Variants in PDE4D observed in about 807,000 individuals in gnomAD.
PDE4D encodes 3',5'-cyclic-AMP phosphodiesterase 4D.
Under a neutral mutation model 87.4 loss-of-function variants are expected in PDE4D, and 24 were observed. The observed-to-expected ratio is 0.27, with a 90% CI of 0.20 to 0.39. PDE4D has a LOEUF of 0.39. Among genes scored for constraint, PDE4D ranks in the 10% least tolerant of loss-of-function variants. The probability of loss-of-function intolerance (pLI) is 1.00; values close to 1 mark genes in which losing one functional copy is unlikely to be tolerated. For missense variants in PDE4D, 714 were observed against 1,041.0 expected (o/e 0.69, Z 4.32); for synonymous variants, 384 against 383.2 (o/e 1.00, Z -0.02).
intron 1 of PDE4D, among the ~76,000 whole-genome samples, chr5:60,457,298 T>C (rs1746549391): frequency 6.6e-6 from 1 of 152,204 alleles, no homozygotes; most frequent in Non-Finnish European, 1.5e-5. Context: ...TGTTTTCTAA[T>C]GTACTCCCAA....
At chr5:60,071,649 CT>C (rs1772731967) in intron 2 of PDE4D, among the ~76,000 whole-genome samples, 1 of 152,016 alleles carries the variant, frequency 6.6e-6, no homozygotes. Context: ...TATAAGTAAG[CT>C]TGTGTCATGG....
intron 1 of PDE4D, among the ~76,000 whole-genome samples, chr5:59,469,439 A>G (rs925368110): frequency 1.3e-5 from 2 of 152,350 alleles, no homozygotes; most frequent in Non-Finnish European, 2.9e-5. Context: ...AGAATAAATA[A>G]TAAGTGGCAA....
At chr5:59,926,102 A>T (rs1755240884) in intron 3 of PDE4D, among the ~76,000 whole-genome samples, 1 of 152,182 alleles carries the variant, frequency 6.6e-6, no homozygotes, top group African/African-American at 2.4e-5. Flanking sequence ...TTAAGGATAG[A>T]CCACATGTTA....
At chr5:58,991,293 C>CA (rs56087121) in intron 8 of PDE4D, among the ~76,000 whole-genome samples, 93,392 of 147,164 alleles carry the variant, frequency 0.63, 28,838 homozygotes, top group Middle Eastern at 0.7. Context: ...TGTCTCAAAA[C>CA]AAACAAAACA....
intron 1 of PDE4D, among the ~76,000 whole-genome samples, chr5:59,863,149 C>T (rs1746523023): frequency 6.6e-6 from 1 of 152,076 alleles, no homozygotes; most frequent in Admixed American, 6.6e-5. Context: ...TGAAAATCTA[C>T]TTCCTTAATT....
chr5:60,410,890 G>T (rs1741990563), intron 1 of PDE4D, among the ~76,000 whole-genome samples: 1 of 152,170 alleles, frequency 6.6e-6, no homozygotes. Flanking sequence ...CCATGGGAGA[G>T]ACACTGTTCT....
At chr5:59,805,994 C>T (rs538909103) in intron 1 of PDE4D, among the ~76,000 whole-genome samples, 83 of 152,326 alleles carry the variant, frequency 5.4e-4, no homozygotes, top group African/African-American at 1.9e-3. Context: ...TGCCCCTCTC[C>T]CACTATTCCT....
chr5:59,491,757 T>C (rs1806233813), intron 1 of PDE4D, among the ~76,000 whole-genome samples: 1 of 152,212 alleles, frequency 6.6e-6, no homozygotes, highest in East Asian at 1.9e-4. Flanking sequence ...ATAAATGTTA[T>C]AGTTAAATAT....
At chr5:59,579,095 T>A (rs1046586436) in intron 1 of PDE4D, among the ~76,000 whole-genome samples, 2 of 152,184 alleles carry the variant, frequency 1.3e-5, no homozygotes, top group African/African-American at 4.8e-5. Context: ...TAACTACTAA[T>A]TCCCAAATCC....
chr5:60,404,161 C>CTTTTTTTTTTT (rs35780128), intron 1 of PDE4D, among the ~76,000 whole-genome samples: 2 of 119,396 alleles, frequency 1.7e-5, no homozygotes, highest in Non-Finnish European at 1.7e-5. Flanking sequence ...TCAGCCAATT[C>CTTTTTTTTTTT]TTTTTTTTTT....
chr5:60,223,972 C>A (rs1457427769), intron 1 of PDE4D, among the ~76,000 whole-genome samples: 2 of 152,030 alleles, frequency 1.3e-5, no homozygotes, highest in Non-Finnish European at 2.9e-5. Flanking sequence ...TGGGTAGTGT[C>A]TAAGACTTAG....
intron 1 of PDE4D, among the ~76,000 whole-genome samples, chr5:59,850,777 C>T (rs1462451194): frequency 2.0e-5 from 3 of 151,958 alleles, no homozygotes; most frequent in African/African-American, 7.2e-5. Context: ...GAAACAAGGA[C>T]AGGACTTATA....
chr5:60,025,342 C>A lies in PDE4D; in HGVS notation c.43-36625G>T, dbSNP rs913596434. 1.3e-4 allele frequency among the ~76,000 whole-genome samples: 20 copies of A among 152,200 alleles called. No individual in the cohort carries two copies. The East Asian group carries it at 1.9e-3, about 15-fold the overall frequency. The stretch of plus-strand genomic sequence containing the variant: ...TAGTTTGAATCAAAGACATTATGCC[C>A]CCGACTACTCCAGCAACTAATGATT... On this transcript the variant is annotated intron_variant, in intron 2 of 16. Transcript: ENST00000502484.
At chr5:60,334,336 C>T (rs1757562644) in intron 1 of PDE4D, among the ~76,000 whole-genome samples, 1 of 152,190 alleles carries the variant, frequency 6.6e-6, no homozygotes, top group Non-Finnish European at 1.5e-5. Context: ...ATGGACCCAC[C>T]TAATAATTAT....
intron 5 of PDE4D, among the ~76,000 whole-genome samples, chr5:59,159,781 G>A (rs1197712885): frequency 1.3e-5 from 2 of 152,056 alleles, no homozygotes; most frequent in African/African-American, 2.4e-5. Flanking sequence ...TATGCTCAAT[G>A]CAATAGCTTG....
chr5:58,977,382 T>G (rs1212754074), intron 11 of PDE4D, 37 bp from the exon 12 acceptor site: 5 of 1,580,240 alleles, frequency 3.2e-6, no homozygotes, highest in Non-Finnish European at 4.3e-6. Context: ...TCAGCAAAAC[T>G]GTTTGTGAGA....
intron 1 of PDE4D, among the ~76,000 whole-genome samples, chr5:59,679,871 G>A (rs1748716788): frequency 6.6e-6 from 1 of 151,880 alleles, no homozygotes; most frequent in South Asian, 2.1e-4. Flanking sequence ...TTTACACAAA[G>A]ACCCTAATGA....
chr5:60,030,394 G>A (rs1359084924), intron 2 of PDE4D, among the ~76,000 whole-genome samples: 2 of 152,282 alleles, frequency 1.3e-5, no homozygotes, highest in East Asian at 3.9e-4. Context: ...AGCTTGCAGT[G>A]AGCCGAGATT....
intron 1 of PDE4D, among the ~76,000 whole-genome samples, chr5:60,284,297 T>C (rs2149755285): frequency 6.6e-6 from 1 of 152,306 alleles, no homozygotes; most frequent in Non-Finnish European, 1.5e-5. Context: ...AGGTAGCCTG[T>C]ATTTCTGCTA....
Sources: allele counts gnomAD v4.1 joint callset (sites outside exome capture counted in the v4.1 genomes callset), GRCh38; gene constraint gnomAD v4.1.1; transcripts MANE v1.5; gene names NCBI Gene and HGNC (gene_info 2026-07-23, HGNC 2026-07-21).